RSRC1: variants seen among roughly 807,000 people sequenced by gnomAD.
RSRC1 encodes the protein serine/Arginine-related protein 53.
A neutral mutation model predicts 49.1 loss-of-function variants in RSRC1; 39 were observed. The ratio of observed to expected loss-of-function variants is 0.79; its 90% CI spans 0.61 to 1.04. RSRC1 has a LOEUF of 1.04. Among genes scored for constraint, RSRC1 ranks in the 50% least tolerant of loss-of-function variants. The probability of loss-of-function intolerance (pLI) is 0.00; values close to 1 mark genes in which losing one functional copy is unlikely to be tolerated. For missense variants in RSRC1, 388 were observed against 402.4 expected (o/e 0.96, Z 0.31); for synonymous variants, 143 against 130.8 (o/e 1.09, Z -0.63).
At chr3:158,208,137 G>A (rs932207161) in intron 4 of RSRC1, among the ~76,000 whole-genome samples, 5 of 151,974 alleles carry the variant, frequency 3.3e-5, no homozygotes, top group African/African-American at 4.8e-5. Context: ...TATCAAGAAT[G>A]TTTAATGACT....
chr3:158,195,592 G>A (rs1720553519), intron 3 of RSRC1, among the ~76,000 whole-genome samples: 1 of 152,136 alleles, frequency 6.6e-6, no homozygotes, highest in Non-Finnish European at 1.5e-5. Flanking sequence ...GTCCTGAATG[G>A]TATTGCCTAG....
chr3:158,310,784 A>G (rs947139203), intron 5 of RSRC1, among the ~76,000 whole-genome samples: 5 of 151,844 alleles, frequency 3.3e-5, no homozygotes, highest in Non-Finnish European at 5.9e-5. Flanking sequence ...GAAGTATCTT[A>G]AAAGGTAATT....
At chr3:158,369,683 A>G (rs1192268061) in intron 6 of RSRC1, among the ~76,000 whole-genome samples, 1 of 152,028 alleles carries the variant, frequency 6.6e-6, no homozygotes, top group Admixed American at 6.6e-5. Context: ...CTTTCAGAAA[A>G]TTTTTGTAAT....
intron 7 of RSRC1, among the ~76,000 whole-genome samples, chr3:158,470,743 T>G (rs1036693396): frequency 6.6e-6 from 1 of 152,174 alleles, no homozygotes; most frequent in African/African-American, 2.4e-5. Flanking sequence ...AATCAATTCT[T>G]AACATTTCCA....
intron 4 of RSRC1, among the ~76,000 whole-genome samples, chr3:158,275,361 A>G (rs1326276722): frequency 6.6e-6 from 1 of 151,940 alleles, no homozygotes; most frequent in Non-Finnish European, 1.5e-5. Context: ...TCCTCCTCCC[A>G]CCCTACAATT....
chr3:158,147,390 C>G (rs1050374604), intron 3 of RSRC1, among the ~76,000 whole-genome samples: 6 of 151,850 alleles, frequency 4.0e-5, no homozygotes, highest in African/African-American at 1.5e-4. Context: ...ACAATTCCAT[C>G]ATTATTTTGA....
chr3:158,118,840 C>T (rs1400627826), intron 1 of RSRC1, among the ~76,000 whole-genome samples: 1 of 152,114 alleles, frequency 6.6e-6, no homozygotes, highest in Admixed American at 6.5e-5. Flanking sequence ...TGGGTGGGGG[C>T]CTGCCCTTTT....
At chr3:158,115,766 T>C (rs1308794195) in intron 1 of RSRC1, among the ~76,000 whole-genome samples, 1 of 152,210 alleles carries the variant, frequency 6.6e-6, no homozygotes, top group African/African-American at 2.4e-5. Flanking sequence ...ATAAATTGTT[T>C]TGATTGAAGT....
intron 4 of RSRC1, among the ~76,000 whole-genome samples, chr3:158,285,180 G>GTT (rs1335353768): frequency 6.6e-6 from 1 of 152,046 alleles, no homozygotes; most frequent in Admixed American, 6.6e-5. Context: ...TTTTTGTCAG[G>GTT]TTTGTCAAAG....
intron 4 of RSRC1, among the ~76,000 whole-genome samples, chr3:158,205,601 A>G (rs1282459900): frequency 6.6e-6 from 1 of 152,074 alleles, no homozygotes; most frequent in Non-Finnish European, 1.5e-5. Flanking sequence ...GAATTTTTCC[A>G]GTAGGAAAAG....
At chr3:158,221,443 T>C (rs1418501491) in intron 4 of RSRC1, among the ~76,000 whole-genome samples, 1 of 151,522 alleles carries the variant, frequency 6.6e-6, no homozygotes, top group Admixed American at 6.6e-5. Flanking sequence ...CGATGCTGCT[T>C]CCTAATTTCA....
chr3:158,298,548 T>G (rs891198926), intron 5 of RSRC1, among the ~76,000 whole-genome samples: 1 of 152,100 alleles, frequency 6.6e-6, no homozygotes, highest in Admixed American at 6.5e-5. Context: ...ACATTCAGAT[T>G]TAGAATATAA....
intron 3 of RSRC1, among the ~76,000 whole-genome samples, chr3:158,129,288 CTTTTTT>C (rs71144439): frequency 4.2e-5 from 3 of 71,078 alleles, no homozygotes; most frequent in Admixed American, 1.7e-4. Flanking sequence ...TTCTTTCTTT[CTTTTTT>C]TTTTTTTTTT....
chr3:158,321,984 C>CAT (rs1728790924), intron 5 of RSRC1, among the ~76,000 whole-genome samples: 1 of 151,420 alleles, frequency 6.6e-6, no homozygotes, highest in African/African-American at 2.4e-5. Flanking sequence ...TACACACACA[C>CAT]ACACACACAC....
At chr3:158,225,813 G>C in intron 4 of RSRC1, 1 of 373,276 alleles carries the variant, frequency 2.7e-6, no homozygotes, top group South Asian at 2.2e-5. Flanking sequence ...AGGACTACTT[G>C]ATAGCATTAT....
chr3:158,516,247 G>C (rs1576600612), intron 7 of RSRC1, among the ~76,000 whole-genome samples: 1 of 151,854 alleles, frequency 6.6e-6, no homozygotes. Context: ...TTTGGTCTTT[G>C]ATGATGGTGA....
intron 6 of RSRC1, among the ~76,000 whole-genome samples, chr3:158,417,621 A>G (rs554739078): frequency 1.1e-4 from 17 of 152,096 alleles, no homozygotes; most frequent in African/African-American, 3.9e-4. Flanking sequence ...AGGAACTTAA[A>G]TTAGCTGATT....
At chr3:158,447,475 T>C (rs1736785513) in intron 6 of RSRC1, among the ~76,000 whole-genome samples, 2 of 151,978 alleles carry the variant, frequency 1.3e-5, no homozygotes, top group Non-Finnish European at 2.9e-5. Context: ...GAAACACTAG[T>C]AGAATTAGAT....
chr3:158,284,188 C>T lies in RSRC1; in HGVS notation c.495-13851C>T, dbSNP rs1726362579. Among the ~76,000 whole-genome samples, 8 of 151,840 alleles carry T rather than the reference C, an allele frequency of 5.3e-5. No homozygotes were observed. In the South Asian group the frequency reaches 1.7e-3, roughly 32 times the overall value. ...ATAGTTTACTGAGAATGATGATTTC[C>T]AATTTCATCCATGTCCCTACAAAGG... On this transcript the variant is annotated intron_variant, in intron 4 of 9. Coordinates refer to ENST00000611884, the MANE Select transcript of RSRC1 (RefSeq NM_001271838.2).
Sources: allele counts gnomAD v4.1 joint callset (sites outside exome capture counted in the v4.1 genomes callset), GRCh38; gene constraint gnomAD v4.1.1; transcripts MANE v1.5; gene names NCBI Gene and HGNC (gene_info 2026-07-23, HGNC 2026-07-21).